The following BACH2 variants were observed in gnomAD, a reference collection of about 807,000 sequenced individuals.
BACH2 encodes transcription regulator protein BACH2.
In BACH2, 5 loss-of-function variants were observed where a neutral mutation model predicts 61.8. That is an observed-to-expected ratio of 0.08 (90% CI 0.04 to 0.17). The LOEUF is 0.17. Among genes scored for constraint, BACH2 ranks in the 10% least tolerant of loss-of-function variants. The probability of loss-of-function intolerance (pLI) is 1.00; values close to 1 mark genes in which losing one functional copy is unlikely to be tolerated. For missense variants in BACH2, 824 were observed against 1,091.1 expected (o/e 0.76, Z 3.45); for synonymous variants, 446 against 440.1 (o/e 1.01, Z -0.17).
At chr6:89,942,222 T>A (rs1249518957) in intron 7 of BACH2, among the ~76,000 whole-genome samples, 1 of 152,158 alleles carries the variant, frequency 6.6e-6, no homozygotes, top group Non-Finnish European at 1.5e-5. Flanking sequence ...CTTGACCACA[T>A]CCAAGTTGTT....
intron 4 of BACH2, among the ~76,000 whole-genome samples, chr6:90,165,855 T>A (rs986046070): frequency 3.0e-4 from 45 of 152,106 alleles, no homozygotes; most frequent in Admixed American, 2.4e-3. Context: ...GGCTAGCCAT[T>A]TGTAGAAAGC....
chr6:90,146,354 TC>T lies in BACH2; in HGVS notation c.-161-57246del, dbSNP rs551816781. Among the ~76,000 whole-genome samples, 10 of 152,334 alleles carry T rather than the reference TC, an allele frequency of 6.6e-5. No homozygotes were observed. In the South Asian group the frequency reaches 2.1e-3, roughly 32 times the overall value. On this transcript the variant is annotated intron_variant, in intron 4 of 8. Transcript: ENST00000257749. ...AGCAAAGTATATTTATTTAGCACTC[TC>T]TCTCTTGCGTGCGTGTGCTCTGTGT...
chr6:90,173,944 AAAT>A (rs1767904233), intron 4 of BACH2, among the ~76,000 whole-genome samples: 1 of 152,194 alleles, frequency 6.6e-6, no homozygotes, highest in African/African-American at 2.4e-5. Flanking sequence ...CTGCGTAGGC[AAAT>A]AATAACCCAG....
At chr6:89,973,735 A>C (rs1261658538) in intron 6 of BACH2, among the ~76,000 whole-genome samples, 1 of 151,790 alleles carries the variant, frequency 6.6e-6, no homozygotes, top group East Asian at 1.9e-4. Context: ...TGCCTAGAGG[A>C]GTCTTATTCT....
intron 4 of BACH2, among the ~76,000 whole-genome samples, chr6:90,103,833 T>C (rs1378107819): frequency 6.6e-6 from 1 of 152,222 alleles, no homozygotes; most frequent in Non-Finnish European, 1.5e-5. Flanking sequence ...TTAAATGAAG[T>C]TCTACTGGAA....
chr6:90,218,608 C>A (rs1769625682), intron 3 of BACH2, among the ~76,000 whole-genome samples: 1 of 152,022 alleles, frequency 6.6e-6, no homozygotes, highest in Non-Finnish European at 1.5e-5. Flanking sequence ...AGTCTGGAGC[C>A]CTCCCAGGAG....
chr6:90,125,017 T>C (rs1218099586), intron 4 of BACH2, among the ~76,000 whole-genome samples: 1 of 152,260 alleles, frequency 6.6e-6, no homozygotes, highest in Non-Finnish European at 1.5e-5. Flanking sequence ...AAAAAGCTTC[T>C]CATACATTTA....
chr6:90,290,508 G>A (rs1772145534), intron 1 of BACH2, among the ~76,000 whole-genome samples: 2 of 152,204 alleles, frequency 1.3e-5, no homozygotes, highest in Non-Finnish European at 1.5e-5. Flanking sequence ...AGTATTTCTG[G>A]ACACTTGGCC....
chr6:90,201,573 T>A (rs766199333), intron 4 of BACH2, among the ~76,000 whole-genome samples: 1 of 152,220 alleles, frequency 6.6e-6, no homozygotes, highest in African/African-American at 2.4e-5. Context: ...TTAATAACTC[T>A]TTCTCATACA....
chr6:90,225,470 A>G (rs1377976403), intron 3 of BACH2, among the ~76,000 whole-genome samples: 1 of 152,146 alleles, frequency 6.6e-6, no homozygotes, highest in African/African-American at 2.4e-5. Context: ...CAAATAAGAA[A>G]CTTGTTGTAA....
chr6:89,944,596 T>C (rs1773621566), intron 7 of BACH2, among the ~76,000 whole-genome samples: 1 of 152,208 alleles, frequency 6.6e-6, no homozygotes, highest in Non-Finnish European at 1.5e-5. Context: ...AAAGTCAGCA[T>C]TGGGGTGGGA....
chr6:90,245,629 T>C (rs1321126820), intron 3 of BACH2, among the ~76,000 whole-genome samples: 1 of 152,154 alleles, frequency 6.6e-6, no homozygotes, highest in African/African-American at 2.4e-5. Context: ...TAAAAGCAAT[T>C]TCTTAAGTAG....
At chr6:90,274,648 C>T (rs1219138333) in intron 1 of BACH2, among the ~76,000 whole-genome samples, 2 of 152,158 alleles carry the variant, frequency 1.3e-5, no homozygotes, top group Non-Finnish European at 2.9e-5. Flanking sequence ...ATCTTTGCAG[C>T]CACAAAGTAC....
At chr6:90,115,702 G>A (rs191825798) in intron 4 of BACH2, among the ~76,000 whole-genome samples, 11 of 152,102 alleles carry the variant, frequency 7.2e-5, no homozygotes, top group South Asian at 6.2e-4. Context: ...CTTCTGCACA[G>A]CAAAATAAAT....
intron 1 of BACH2, among the ~76,000 whole-genome samples, chr6:90,293,548 C>T (rs1331862273): frequency 1.3e-5 from 2 of 152,212 alleles, no homozygotes; most frequent in Non-Finnish European, 1.5e-5. Context: ...GCTGTGCAGA[C>T]AGTGGGCCCA....
rs569386881 is a variant in BACH2 at position 90,153,843 on chromosome 6, T to C, written c.-162+52726A>G. ...GTGGGGTACATTTTCCTCCTTGAGG[T>C]TCGTAAGACAAATTTTGAAAAAATC... On this transcript the variant is annotated intron_variant, in intron 4 of 8. Transcript: ENST00000257749. Among the ~76,000 whole-genome samples the C allele has an allele frequency of 2.6e-4, 39 of 152,338 alleles. 1 individual carries two copies. In the South Asian group the frequency reaches 7.9e-3, roughly 31 times the overall value.
At chr6:90,027,387 C>T (rs569394162) in intron 5 of BACH2, among the ~76,000 whole-genome samples, 6 of 152,284 alleles carry the variant, frequency 3.9e-5, no homozygotes, top group South Asian at 2.1e-4. Flanking sequence ...AAGATACAGA[C>T]GGTCTTATAT....
chr6:90,107,266 G>A (rs1212444533), intron 4 of BACH2, among the ~76,000 whole-genome samples: 1 of 151,992 alleles, frequency 6.6e-6, no homozygotes, highest in Non-Finnish European at 1.5e-5. Context: ...CAGCTACTTG[G>A]GGGACTGAGG....
At chr6:89,978,633 T>TGA (rs1554222894) in intron 6 of BACH2, among the ~76,000 whole-genome samples, 1 of 86,036 alleles carries the variant, frequency 1.2e-5, no homozygotes, top group Non-Finnish European at 2.3e-5. Context: ...GTGTTGGCTT[T>TGA]AAAAAAAAAA....
Sources: allele counts gnomAD v4.1 joint callset (sites outside exome capture counted in the v4.1 genomes callset), GRCh38; gene constraint gnomAD v4.1.1; transcripts MANE v1.5; gene names NCBI Gene and HGNC (gene_info 2026-07-23, HGNC 2026-07-21).